The following GRK5 variants were observed in gnomAD, a reference collection of about 807,000 sequenced individuals.
The protein encoded by GRK5 is G protein-coupled receptor kinase 5.
In GRK5, 40 loss-of-function variants were observed where a neutral mutation model predicts 78.4. The ratio of observed to expected loss-of-function variants is 0.51; its 90% confidence interval spans 0.40 to 0.66. The LOEUF (loss-of-function observed/expected upper bound fraction) is 0.66, where lower values mean the gene tolerates loss of function less well. GRK5 is among the 30% of genes least tolerant of loss of function. The pLI is 0.00. For missense variants in GRK5, 598 were observed against 759.9 expected, an observed-to-expected ratio of 0.79 and a Z score of 2.50; for synonymous variants, 289 against 296.8, an observed-to-expected ratio of 0.97 and a Z score of 0.27.
chr10:119,374,059 A>G (rs1237288477), intron 2 of GRK5, among the ~76,000 whole-genome samples: 3 of 152,180 alleles, frequency 2.0e-5, no homozygotes, highest in East Asian at 1.9e-4. Context: ...AGGAATCCCT[A>G]TTGAGGTTGG....
chr10:119,308,071 C>A (rs1850301601), intron 1 of GRK5, among the ~76,000 whole-genome samples: 1 of 152,148 alleles, frequency 6.6e-6, no homozygotes, highest in South Asian at 2.1e-4. Context: ...GAGTGGGCAC[C>A]CATGGCGGGT....
intron 4 of GRK5, among the ~76,000 whole-genome samples, chr10:119,419,297 A>T (rs1852524335): frequency 6.6e-6 from 1 of 152,248 alleles, no homozygotes; most frequent in Non-Finnish European, 1.5e-5. Flanking sequence ...ACACGCAGCC[A>T]GCGGAGGGCC....
At chr10:119,292,146 CTCT>C (rs1564879779) in intron 1 of GRK5, among the ~76,000 whole-genome samples, 2 of 12,538 alleles carry the variant, frequency 1.6e-4, no homozygotes, top group Admixed American at 8.2e-4. Flanking sequence ...CCTTCTCCTC[CTCT>C]TCCTCCTCCT....
intron 2 of GRK5, among the ~76,000 whole-genome samples, chr10:119,345,741 T>C (rs563644614): frequency 2.6e-5 from 4 of 152,158 alleles, no homozygotes; most frequent in Admixed American, 2.6e-4. Flanking sequence ...CTTCAGGCCC[T>C]TGGGGAAACC....
At chr10:119,246,189 C>A (rs994474939) in intron 1 of GRK5, among the ~76,000 whole-genome samples, 5 of 152,036 alleles carry the variant, frequency 3.3e-5, no homozygotes, top group African/African-American at 1.2e-4. Flanking sequence ...ATGCTCAAGT[C>A]CCTGATATAA....
intron 1 of GRK5, among the ~76,000 whole-genome samples, chr10:119,262,519 T>A (rs1849429581): frequency 6.6e-6 from 1 of 151,850 alleles, no homozygotes; most frequent in Non-Finnish European, 1.5e-5. Flanking sequence ...TTTAAAAATA[T>A]TTTTAGTAGA....
chr10:119,311,461 G>A (rs760687531), intron 1 of GRK5, among the ~76,000 whole-genome samples: 3 of 152,046 alleles, frequency 2.0e-5, no homozygotes, highest in Non-Finnish European at 4.4e-5. Flanking sequence ...TGAGATGGGG[G>A]CAGTGGGTGG....
chr10:119,266,971 C>T lies in GRK5; in HGVS notation c.52+59002C>T, dbSNP rs181135944. ...AAAATTATTTTTGTAGGGCTGGGAG[C>T]GGTGACTCATGCCTGTAATCCCAGC... On this transcript the variant is annotated intron_variant, in intron 1 of 15. Transcript: ENST00000392870. 5.9e-5 allele frequency among the ~76,000 whole-genome samples: 9 copies of T among 152,080 alleles called. No individual in the cohort carries two copies. The East Asian group carries it at 7.7e-4, about 13-fold the overall frequency.
chr10:119,207,679 G>T lies in GRK5; in HGVS notation c.-239G>T. 1 of 421,150 alleles carries T rather than the reference G, an allele frequency of 2.4e-6. No homozygotes were observed. Among genetic ancestry groups the T allele is most frequent in the South Asian group, 2.5e-5 (1 of 40,496 alleles). 26.1% of individuals were successfully genotyped at this position (421,150 alleles called of 1,614,324 possible). On this transcript the variant is annotated 5_prime_UTR_variant, in exon 1 of 16. Coordinates refer to ENST00000392870, the MANE Select transcript of GRK5 (RefSeq NM_005308.3). ...GGGGGGGAGCGTGTTGAGGGAGGGG[G>T]GAGGGGGGACACAGAGGGAGGAAGA...
rs79575160 is a variant in GRK5, at chr10:119,396,559, C to T, written c.262-136C>T. ...GGCTCCGTGGCCAGGTCTTCCCCCC[C>T]GGTTTCCTGACCTGCAGGAGAAGGG... On this transcript the variant is annotated intron_variant, in intron 3 of 15. Transcript: ENST00000392870. 4.3e-4 allele frequency: 295 copies of T among 691,662 alleles called. 1 individual carries two copies. Among genetic ancestry groups the T allele is most frequent in the African/African-American group, 9.5e-4 (53 of 55,630 alleles). The allele number at this position is 691,662 out of a possible 1,614,324, so 42.8% of individuals were successfully genotyped here.
rs1397459117 is a variant in GRK5 at position 119,426,999 on chromosome 10, A to ACAGCATCACAGCCATCAG, written c.533+1942_533+1959dup. 8.1e-3 allele frequency among the ~76,000 whole-genome samples: 668 copies of ACAGCATCACAGCCATCAG among 82,606 alleles called. 6 individuals carry two copies. The highest frequency in any genetic ancestry group is 0.029 in the African/African-American group (625 of 21,496). 54.2% of individuals were successfully genotyped at this position (82,606 alleles called of 152,430 possible). On this transcript the variant is annotated intron_variant, in intron 6 of 15. Transcript: ENST00000392870. ...ACCGCCATCAACATCACCACCATCA[A>ACAGCATCACAGCCATCAG]CAGCATCACAGCCATCAGCAGCATC...
Position 119,393,614 on chromosome 10 carries a change from G to A in GRK5, c.262-3081G>A, listed in dbSNP as rs749432441. Among the ~76,000 whole-genome samples the A allele has an allele frequency of 2.6e-5, 4 of 152,236 alleles. No individual in the cohort carries two copies. In the East Asian group the frequency reaches 5.8e-4, roughly 22 times the overall value. On this transcript the variant is annotated intron_variant, in intron 3 of 15. Coordinates refer to ENST00000392870, the MANE Select transcript of GRK5 (RefSeq NM_005308.3). Reference sequence around the variant, plus strand: ...ATTCCCACGGTGCCGGACCAACGGCGGGCTGTCCAGGGGCAGCAGGACCCT... The same window carrying A: ...ATTCCCACGGTGCCGGACCAACGGCAGGCTGTCCAGGGGCAGCAGGACCCT...
At chr10:119,427,891 C>A (rs1417610017) in intron 6 of GRK5, among the ~76,000 whole-genome samples, 1 of 147,904 alleles carries the variant, frequency 6.8e-6, no homozygotes, top group East Asian at 2.0e-4. Context: ...AGCATTACTG[C>A]TATCATCAGT....
At chr10:119,262,345 T>G (rs1366913271) in intron 1 of GRK5, among the ~76,000 whole-genome samples, 2 of 136,028 alleles carry the variant, frequency 1.5e-5, no homozygotes, top group African/African-American at 2.9e-5. Flanking sequence ...TTTTTTTTTT[T>G]TTTTTTTTTT....
chr10:119,371,217 C>A (rs1851541170), intron 2 of GRK5, among the ~76,000 whole-genome samples: 1 of 152,204 alleles, frequency 6.6e-6, no homozygotes, highest in Non-Finnish European at 1.5e-5. Context: ...CTTCTCCCCG[C>A]TCCCCGTCCC....
chr10:119,363,606 C>T (rs78771813), intron 2 of GRK5, among the ~76,000 whole-genome samples: 1,746 of 152,286 alleles, frequency 0.011, 17 homozygotes, highest in Non-Finnish European at 0.015. Flanking sequence ...TCACCCAGTT[C>T]CCAGTCTTTT....
chr10:119,368,843 G>C (rs914109011), intron 2 of GRK5, among the ~76,000 whole-genome samples: 1 of 152,202 alleles, frequency 6.6e-6, no homozygotes, highest in African/African-American at 2.4e-5. Flanking sequence ...TGACCCTTTC[G>C]TTGCCTTGGA....
At position 119,231,922 on chromosome 10, in the gene GRK5, G is replaced by A. The variant is rs112697651; in HGVS notation, c.52+23953G>A. The stretch of plus-strand genomic sequence containing the variant: ...CAGCCACGATGGAGAACAGTATGGA[G>A]GTTCCTCCAAAAACTACAACTAGAA... On this transcript the variant is annotated intron_variant, in intron 1 of 15. Coordinates refer to ENST00000392870, the MANE Select transcript of GRK5 (RefSeq NM_005308.3). Among the ~76,000 whole-genome samples the A allele has an allele frequency of 4.9e-3, 751 of 152,248 alleles. 2 individuals are homozygous for A. The highest frequency in any genetic ancestry group is 7.1e-3 in the African/African-American group (293 of 41,544).
In GRK5 at chr10:119,452,951, G is replaced by C; in HGVS notation, c.1542+143G>C. On this transcript the variant is annotated intron_variant, in intron 14 of 15. Transcript: ENST00000392870. The surrounding 1 kb of genome is among the most constrained non-coding windows in gnomAD (Gnocchi z 4.4). ...TCCATGAAGGCAGCACACAAAAGCT[G>C]TCAGTGGCCAAGTAGGGAGCTGTAG... 1 of 1,097,488 alleles carries C rather than the reference G, an allele frequency of 9.1e-7. No homozygotes were observed. Among genetic ancestry groups the C allele is most frequent in the Non-Finnish European group, 1.3e-6 (1 of 742,238 alleles). The allele number at this position is 1,097,488 out of a possible 1,614,324, so 68.0% of individuals were successfully genotyped here.
Sources: allele counts gnomAD v4.1 joint callset (sites outside exome capture counted in the v4.1 genomes callset), GRCh38; gene constraint gnomAD v4.1.1; non-coding constraint Gnocchi (gnomAD v3.1); transcripts MANE v1.5; gene names NCBI Gene and HGNC (gene_info 2026-07-23, HGNC 2026-07-21).